Variants in FYCO1 observed in about 807,000 individuals in gnomAD.
FYCO1 encodes the protein FYVE and coiled-coil domain autophagy adaptor 1, also known as FYVE and coiled-coil domain-containing protein 1.
In FYCO1, 122 loss-of-function variants were observed where a neutral mutation model predicts 165.1. The observed-to-expected ratio is 0.74, with a 90% CI of 0.64 to 0.86. FYCO1 has a LOEUF of 0.86. FYCO1 is among the 40% of genes least tolerant of loss of function. FYCO1 has a pLI of 0.00. For synonymous variants in FYCO1, 648 were observed against 742.5 expected, an observed-to-expected ratio of 0.87 and a Z score of 2.07; for missense variants, 1,702 against 1,810.3, an observed-to-expected ratio of 0.94 and a Z score of 1.09.
intron 1 of FYCO1, among the ~76,000 whole-genome samples, chr3:45,990,782 T>C (rs1707521232): frequency 6.6e-6 from 1 of 151,714 alleles, no homozygotes; most frequent in African/African-American, 2.4e-5. Context: ...ACAAGAGCAC[T>C]TTTTTTTTGA....
At chr3:45,966,175 C>T in intron 8 of FYCO1, 102 bp downstream of exon 8, 2 of 1,254,754 alleles carry the variant, frequency 1.6e-6, no homozygotes, top group Admixed American at 1.7e-5. Flanking sequence ...AGTACATTCT[C>T]CAGCCCTCAC....
chr3:45,923,982 C>T (rs1703206479), intron 16 of FYCO1, among the ~76,000 whole-genome samples: 1 of 152,218 alleles, frequency 6.6e-6, no homozygotes, highest in Admixed American at 6.5e-5. Flanking sequence ...CTTCCAGAAT[C>T]ATGACTTGGT....
At chr3:45,977,466 T>A (rs1055995878) in intron 4 of FYCO1, among the ~76,000 whole-genome samples, 6 of 149,674 alleles carry the variant, frequency 4.0e-5, no homozygotes, top group Admixed American at 1.3e-4. Context: ...AGTTCCTTTG[T>A]ACTGCAAATC....
At chr3:45,990,949 A>T (rs1846616) in intron 1 of FYCO1, among the ~76,000 whole-genome samples, 83,066 of 150,484 alleles carry the variant, frequency 0.55, 25,207 homozygotes, top group East Asian at 0.95. Flanking sequence ...TTTTTTTTTT[A>T]AATGTATTTT....
At chr3:45,947,456 C>T (rs750354477) in intron 14 of FYCO1, 1 of 1,614,142 alleles carries the variant, frequency 6.2e-7, no homozygotes, top group East Asian at 2.2e-5. Context: ...AGGACAATTC[C>T]AAGACTTTTT....
intron 10 of FYCO1, among the ~76,000 whole-genome samples, chr3:45,963,853 C>T (rs1705840577): frequency 6.6e-6 from 1 of 152,100 alleles, no homozygotes; most frequent in South Asian, 2.1e-4. Context: ...CAAAGACAGG[C>T]TGATCCTGGT....
chr3:45,983,615 C>T lies in FYCO1; in HGVS notation c.55+1241G>A, dbSNP rs139324579. 2.6e-4 allele frequency among the ~76,000 whole-genome samples: 40 copies of T among 152,310 alleles called. No homozygotes were observed. The East Asian group carries it at 3.7e-3, about 14-fold the overall frequency. ...AAGGACCTCCAGGTCTCAAAGTTAT[C>T]CTCAAGAACCAGATATTGAAACACA... is the stretch of plus-strand genomic sequence containing the variant. On this transcript the variant is annotated intron_variant, in intron 2 of 17. Transcript: ENST00000296137.
At chr3:45,949,705 A>T (rs1704877033) in intron 14 of FYCO1, among the ~76,000 whole-genome samples, 1 of 152,242 alleles carries the variant, frequency 6.6e-6, no homozygotes, top group South Asian at 2.1e-4. Context: ...CAGCAACAGA[A>T]AAGCAGCGCT....
intron 13 of FYCO1, 118 bp from the exon 14 acceptor site, chr3:45,955,511 C>T: frequency 8.8e-7 from 1 of 1,139,194 alleles, no homozygotes; most frequent in Non-Finnish European, 1.3e-6. Context: ...TGCTGAGGCA[C>T]AATTTAAGTG....
chr3:45,978,913 G>T (rs1186484851), intron 4 of FYCO1, among the ~76,000 whole-genome samples: 1 of 149,368 alleles, frequency 6.7e-6, no homozygotes, highest in African/African-American at 2.5e-5. Context: ...CTGGAGTGCA[G>T]TGGCGCGATC....
At chr3:45,947,427 C>T (rs768356698) in intron 14 of FYCO1, 1 of 1,614,218 alleles carries the variant, frequency 6.2e-7, no homozygotes. Context: ...TGGGGTCTCA[C>T]ATCAATGGAA....
chr3:45,967,258 T>C lies in FYCO1; in HGVS notation c.2076A>G (p.Lys692=), dbSNP rs767279409. 75 of 1,614,026 alleles carry C rather than the reference T, an allele frequency of 4.6e-5. No individual in the cohort carries two copies. Among genetic ancestry groups the C allele is most frequent in the Non-Finnish European group, 3.4e-6 (4 of 1,180,038 alleles). Residue 692 remains lysine, a synonymous_variant, in exon 8 of 18, where the codon AAA becomes AAG. Transcript: ENST00000296137. ...LAVRKAKEAM[K]AQMAEKEAIL... ...TGGCCTCCTTCTCTGCCATCTGGGC[T>C]TTCATGGCCTCCTTGGCCTTCCTTA...
chr3:45,983,871 C>T (rs1249185316), intron 2 of FYCO1, among the ~76,000 whole-genome samples: 2 of 152,204 alleles, frequency 1.3e-5, no homozygotes, highest in African/African-American at 4.8e-5. Flanking sequence ...ATCAGAGGCC[C>T]AAGGCATGGT....
intron 4 of FYCO1, among the ~76,000 whole-genome samples, chr3:45,975,631 G>T (rs1706715330): frequency 6.6e-6 from 1 of 152,206 alleles, no homozygotes; most frequent in East Asian, 1.9e-4. Flanking sequence ...AACATCTGTG[G>T]ATTCTATTGG....
At chr3:45,926,571 C>A (rs1176527796) in intron 16 of FYCO1, among the ~76,000 whole-genome samples, 1 of 152,168 alleles carries the variant, frequency 6.6e-6, no homozygotes, top group South Asian at 2.1e-4. Context: ...GATTTCAATA[C>A]CTCTTTCTTA....
At chr3:45,936,669 G>T in intron 14 of FYCO1, 126 bp from the exon 15 acceptor site, 1 of 748,456 alleles carries the variant, frequency 1.3e-6, no homozygotes, top group Non-Finnish European at 2.4e-6. Context: ...TTTAATCATA[G>T]AGGCCATGAC....
chr3:45,965,168 T>TCAGAGCAAGGACCC, intron 8 of FYCO1, 43 bp from the exon 9 acceptor site: 1 of 1,509,692 alleles, frequency 6.6e-7, no homozygotes, highest in Non-Finnish European at 9.2e-7. Context: ...AGTAGGGTCC[T>TCAGAGCAAGGACCC]TGCTCTGAGG....
chr3:45,946,359 AG>A (rs1413630679), intron 14 of FYCO1: 1 of 805,478 alleles, frequency 1.2e-6, no homozygotes, highest in African/African-American at 1.7e-5. Context: ...GGGTGGGTTT[AG>A]AAGATGACTA....
At chr3:45,948,781 T>C (rs1160665308) in intron 14 of FYCO1, among the ~76,000 whole-genome samples, 2 of 152,206 alleles carry the variant, frequency 1.3e-5, no homozygotes, top group South Asian at 2.1e-4. Context: ...TGGGGCTGAA[T>C]AGACGAGAGC....
Sources: allele counts gnomAD v4.1 joint callset (sites outside exome capture counted in the v4.1 genomes callset), GRCh38; gene constraint gnomAD v4.1.1; transcripts MANE v1.5; gene names NCBI Gene and HGNC (gene_info 2026-07-23, HGNC 2026-07-21).